The following SYTL3 variants were observed in gnomAD, a reference collection of about 807,000 sequenced individuals.
SYTL3 encodes synaptotagmin-like protein 3.
A neutral mutation model predicts 82.1 loss-of-function variants in SYTL3; 88 were observed. The ratio of observed to expected loss-of-function variants is 1.07; its 90% CI spans 0.90 to 1.28. The LOEUF is 1.28. SYTL3 is among the 50% of genes most tolerant of loss of function. The probability of loss-of-function intolerance (pLI) is 0.00; values close to 1 mark genes in which losing one functional copy is unlikely to be tolerated. For synonymous variants in SYTL3, 311 were observed against 289.4 expected (o/e 1.07, Z -0.76); for missense variants, 831 against 757.6 (o/e 1.10, Z -1.14).
intron 11 of SYTL3, among the ~76,000 whole-genome samples, chr6:158,734,087 CCT>C (rs1443643268): frequency 8.5e-6 from 1 of 117,310 alleles, no homozygotes; most frequent in Non-Finnish European, 1.7e-5. Flanking sequence ...AGAGCGAGAC[CCT>C]GTCTCAAAAA....
intron 5 of SYTL3, among the ~76,000 whole-genome samples, chr6:158,672,759 G>C (rs541124189): frequency 1.3e-5 from 2 of 151,872 alleles, no homozygotes; most frequent in African/African-American, 2.4e-5. Context: ...AGTTTCCCTA[G>C]TAGCTGAGAT....
chr6:158,719,486 A>G (rs1300755208), intron 10 of SYTL3, among the ~76,000 whole-genome samples: 1 of 152,192 alleles, frequency 6.6e-6, no homozygotes, highest in African/African-American at 2.4e-5. Flanking sequence ...AACTCCTGGG[A>G]TCTGGCGAAG....
intron 12 of SYTL3, among the ~76,000 whole-genome samples, chr6:158,747,876 A>G (rs3123090): frequency 0.26 from 38,885 of 151,960 alleles, 5,378 homozygotes; most frequent in Non-Finnish European, 0.31. Flanking sequence ...AAAATTATTT[A>G]TTAGTTATAT....
At chr6:158,709,550 A>T (rs1782529075) in intron 8 of SYTL3, among the ~76,000 whole-genome samples, 1 of 152,154 alleles carries the variant, frequency 6.6e-6, no homozygotes, top group Non-Finnish European at 1.5e-5. Context: ...GTGAGAAATT[A>T]ACAAAATAAT....
Position 158,701,269 on chromosome 6 carries a change from G to GGGTC in SYTL3, c.395-5961_395-5960insGGTC, listed in dbSNP as rs1781224728. Among the ~76,000 whole-genome samples, 33 of 4,484 alleles carry GGGTC rather than the reference G, an allele frequency of 7.4e-3. 15 individuals are homozygous for GGGTC. Among genetic ancestry groups the GGGTC allele is most frequent in the South Asian group, 0.048 (4 of 84 alleles). The allele number at this position is 4,484 out of a possible 152,430, so 2.9% of individuals were successfully genotyped here. ...ATGAAGGAGTGTGAGCTGGGGTGTA[G>GGGTC]ATGAAGGAGTGTGAGCTGGGGTGTA... On this transcript the variant is annotated intron_variant, in intron 6 of 17. Coordinates refer to ENST00000611299, the MANE Select transcript of SYTL3 (RefSeq NM_001242394.2).
intron 2 of SYTL3, among the ~76,000 whole-genome samples, chr6:158,657,876 CT>C (rs35114756): frequency 7.1e-4 from 104 of 145,974 alleles, no homozygotes; most frequent in Admixed American, 7.5e-4. Context: ...AGTTGCATTT[CT>C]TTTTTTTTTT....
chr6:158,704,145 TG>T (rs1295232771), intron 6 of SYTL3, among the ~76,000 whole-genome samples: 5 of 108,822 alleles, frequency 4.6e-5, no homozygotes, highest in African/African-American at 1.7e-4. Flanking sequence ...CATTTTTAAA[TG>T]GTTAAAAAAA....
At chr6:158,660,110 C>G (rs1185743894) in intron 2 of SYTL3, among the ~76,000 whole-genome samples, 1 of 151,984 alleles carries the variant, frequency 6.6e-6, no homozygotes, top group Non-Finnish European at 1.5e-5. Flanking sequence ...ACTAAAAATA[C>G]AAAAATTAGC....
chr6:158,646,791 C>G (rs1461204846), upstream of SYTL3, among the ~76,000 whole-genome samples: 2 of 152,174 alleles, frequency 1.3e-5, no homozygotes, highest in African/African-American at 4.8e-5. Context: ...AGTCGTGCGC[C>G]TCAGTCCACA....
At position 158,708,478 on chromosome 6, in the gene SYTL3, G is replaced by A. The variant is rs182808998; in HGVS notation, c.516+87G>A. 200 of 1,286,058 alleles carry A rather than the reference G, an allele frequency of 1.6e-4. No individual in the cohort carries two copies. In the African/African-American group the frequency reaches 2.8e-3, roughly 18 times the overall value. 79.7% of individuals were successfully genotyped at this position (1,286,058 alleles called of 1,614,324 possible). A position where few individuals can be genotyped will look rare whatever the true frequency, so the allele number is the denominator to read the frequency against. ...GGGGAGCTTTCGAGGCTGAGGCCGG[G>A]CACGGAACCTCCCAGCAAAGGGATC... On this transcript the variant is annotated intron_variant, in intron 8 of 17. Transcript: ENST00000611299.
At position 158,731,472 on chromosome 6, in the gene SYTL3, A is replaced by G. The variant is rs993789123; in HGVS notation, c.855+5835A>G. Among the ~76,000 whole-genome samples the G allele has an allele frequency of 2.6e-5, 4 of 152,178 alleles. No homozygotes were observed. The East Asian group carries it at 7.7e-4, about 29-fold the overall frequency. On this transcript the variant is annotated intron_variant, in intron 11 of 17. Coordinates refer to ENST00000611299, the MANE Select transcript of SYTL3 (RefSeq NM_001242394.2). ...CCAAGACTGCCTTTGCACAGCAAAA[A>G]AAGGATGGACACATCATACCCAAGT...
At chr6:158,734,290 T>G (rs1205000180) in intron 11 of SYTL3, among the ~76,000 whole-genome samples, 1 of 152,092 alleles carries the variant, frequency 6.6e-6, no homozygotes, top group Non-Finnish European at 1.5e-5. Flanking sequence ...GGCCAGTTTC[T>G]ACTAATCTGC....
At chr6:158,764,028 A>T (rs763658769) in intron 17 of SYTL3, among the ~76,000 whole-genome samples, 41 of 152,266 alleles carry the variant, frequency 2.7e-4, no homozygotes, top group Middle Eastern at 3.4e-3. Flanking sequence ...ATCTCCAAGG[A>T]CCTCCAACTG....
intron 5 of SYTL3, among the ~76,000 whole-genome samples, chr6:158,678,550 G>A (rs1290627874): frequency 6.6e-6 from 1 of 152,218 alleles, no homozygotes; most frequent in African/African-American, 2.4e-5. Context: ...GAACGTTTGT[G>A]TGCTAGAATT....
rs1312068037 is a variant in SYTL3 at position 158,663,312 on chromosome 6, G to A, written c.44G>A (p.Arg15His). Reference sequence around the variant, plus strand: ...CTGAGTGCTCTCAAGGAGTTAGAACGCGAGGCCATTCTCCAGGTCCTGTAC... The same window carrying A: ...CTGAGTGCTCTCAAGGAGTTAGAACACGAGGCCATTCTCCAGGTCCTGTAC... ...IDLSALKELE[R>H]EAILQVLYRD... Residue 15 changes from arginine to histidine, a missense_variant, in exon 4 of 18, where the codon CGC (arginine) becomes CAC (histidine). By Grantham distance (29) the Arg-to-His change is conservative. Transcript: ENST00000611299. The A allele has an allele frequency of 5.6e-6, 9 of 1,614,118 alleles. No homozygotes were observed. Among genetic ancestry groups the A allele is most frequent in the East Asian group, 2.2e-5 (1 of 44,864 alleles).
In SYTL3 at chr6:158,752,049, T is replaced by C. The variant is rs776872666; in HGVS notation, c.1137+19T>C. 13 of 1,566,610 alleles carry C rather than the reference T, an allele frequency of 8.3e-6. No homozygotes were observed. Among genetic ancestry groups the C allele is most frequent in the African/African-American group, 6.9e-5 (5 of 72,370 alleles). On this transcript the variant is annotated intron_variant, in intron 13 of 17. Transcript: ENST00000611299. ...CTTGAAGGTACTTGCTGGACAGATA[T>C]TCCTGTGCAGAGTCCTCCCGAGCCC...
intron 6 of SYTL3, among the ~76,000 whole-genome samples, chr6:158,684,229 G>A (rs938407537): frequency 1.3e-5 from 2 of 152,210 alleles, no homozygotes; most frequent in African/African-American, 4.8e-5. Context: ...TCTAGAGTCC[G>A]TAGAGCAAGT....
chr6:158,736,469 A>AT (rs1786181077), intron 11 of SYTL3, among the ~76,000 whole-genome samples: 1 of 151,594 alleles, frequency 6.6e-6, no homozygotes, highest in Non-Finnish European at 1.5e-5. Flanking sequence ...TAAACAGTAG[A>AT]TTGTTTGGGG....
chr6:158,676,821 G>A (rs1778090279), intron 5 of SYTL3, among the ~76,000 whole-genome samples: 1 of 152,046 alleles, frequency 6.6e-6, no homozygotes, highest in South Asian at 2.1e-4. Flanking sequence ...ATCATCACTG[G>A]CCATCAGAGA....
Sources: gnomAD v4.1 joint callset for allele counts (sites outside exome capture counted in the v4.1 genomes callset) on GRCh38, gnomAD v4.1.1 for gene constraint, MANE v1.5 for transcripts, NCBI Gene and HGNC (gene_info 2026-07-23, HGNC 2026-07-21) for gene names.